Variants in AK4 observed in about 807,000 individuals in gnomAD.
The protein encoded by AK4 is adenylate kinase 4, mitochondrial.
A neutral mutation model predicts 24.6 loss-of-function variants in AK4; 13 were observed. That is an observed-to-expected ratio of 0.53 (90% confidence interval 0.34 to 0.84). The LOEUF is 0.84. Ranked by LOEUF, AK4 falls within the 40% of genes least tolerant of loss-of-function variation. The pLI, the probability that AK4 is intolerant of heterozygous loss-of-function variation, is 0.01. For synonymous variants in AK4, 88 were observed against 107.0 expected, an observed-to-expected ratio of 0.82 and a Z score of 1.10; for missense variants, 192 against 288.2, an observed-to-expected ratio of 0.67 and a Z score of 2.42.
chr1:65,165,372 A>C (rs1473657659), intron 1 of AK4, among the ~76,000 whole-genome samples: 1 of 152,134 alleles, frequency 6.6e-6, no homozygotes, highest in Non-Finnish European at 1.5e-5. Context: ...GTCTATGAGT[A>C]GACAATTAAA....
At chr1:65,211,443 G>A (rs1317812263) in intron 2 of AK4, among the ~76,000 whole-genome samples, 2 of 152,212 alleles carry the variant, frequency 1.3e-5, no homozygotes, top group African/African-American at 4.8e-5. Flanking sequence ...CCCTGTCTGA[G>A]AATTTGCTTC....
At chr1:65,161,191 G>T (rs1650147893) in intron 1 of AK4, among the ~76,000 whole-genome samples, 1 of 152,140 alleles carries the variant, frequency 6.6e-6, no homozygotes, top group Non-Finnish European at 1.5e-5. Context: ...CCATTTGGTT[G>T]TGAGGAGGTA....
rs1043633092 is a variant in AK4, at chr1:65,220,416, G to A, written c.438+1490G>A. ...GTAGTAAGTGTTTTAGATTTCAGCC[G>A]TTCTGCTAGGTGAGCATTATAGTTT... On this transcript the variant is annotated intron_variant, in intron 3 of 4. Coordinates refer to ENST00000327299, the MANE Select transcript of AK4 (RefSeq NM_013410.4). Among the ~76,000 whole-genome samples, 16 of 152,242 alleles carry A rather than the reference G, an allele frequency of 1.1e-4. 3 individuals carry two copies. The highest frequency in any genetic ancestry group is 9.6e-5 in the African/African-American group (4 of 41,544).
rs536846085 is a variant in AK4, at chr1:65,206,669, G to A, written c.266-12085G>A. On this transcript the variant is annotated intron_variant, in intron 2 of 4. Coordinates refer to ENST00000327299, the MANE Select transcript of AK4 (RefSeq NM_013410.4). ...TTGCTTGTAGTCCAGCTACTTGGGTGGGGGGTGGCTGAGGCAAGAGGAACC... is the reference window on the plus strand; with the variant it reads ...TTGCTTGTAGTCCAGCTACTTGGGTAGGGGGTGGCTGAGGCAAGAGGAACC... Among the ~76,000 whole-genome samples the A allele has an allele frequency of 2.4e-4, 36 of 152,314 alleles. 1 individual carries two copies. In the South Asian group the frequency reaches 5.4e-3, roughly 23 times the overall value.
chr1:65,225,651 T>A lies in AK4; in HGVS notation c.558-412T>A, dbSNP rs547100095. Among the ~76,000 whole-genome samples, 935 of 152,308 alleles carry A rather than the reference T, an allele frequency of 6.1e-3. 12 individuals are homozygous for A. The highest frequency in any genetic ancestry group is 0.022 in the African/African-American group (900 of 41,560). On this transcript the variant is annotated intron_variant, in intron 4 of 4. Coordinates refer to ENST00000327299, the MANE Select transcript of AK4 (RefSeq NM_013410.4). ...TGGCCTTGTAGTCCCCCCCAAAATT[T>A]AGCAAACCTTAAGATCAGAGTTTTA...
intron 3 of AK4, among the ~76,000 whole-genome samples, chr1:65,219,721 T>C (rs1553127690): frequency 6.6e-6 from 1 of 152,218 alleles, no homozygotes; most frequent in African/African-American, 2.4e-5. Context: ...TTACAGTTAA[T>C]AAACTAATAT....
intron 1 of AK4, among the ~76,000 whole-genome samples, chr1:65,180,064 A>G (rs954904393): frequency 1.2e-4 from 19 of 152,240 alleles, no homozygotes; most frequent in Admixed American, 3.3e-4. Context: ...ATACGTGACA[A>G]AAGTCTTATA....
At chr1:65,158,422 T>C (rs751756481) in intron 1 of AK4, among the ~76,000 whole-genome samples, 25 of 152,208 alleles carry the variant, frequency 1.6e-4, no homozygotes, top group Non-Finnish European at 3.7e-4. Context: ...GTTGGAAATT[T>C]TGTAAGTTTT....
intron 1 of AK4, among the ~76,000 whole-genome samples, chr1:65,175,721 T>C (rs1287428127): frequency 3.9e-5 from 6 of 152,210 alleles, no homozygotes; most frequent in African/African-American, 1.4e-4. Flanking sequence ...AAGTGCCTGC[T>C]ATGGTGGATA....
intron 1 of AK4, among the ~76,000 whole-genome samples, chr1:65,170,158 C>G (rs113914415): frequency 1.3e-5 from 2 of 152,012 alleles, no homozygotes; most frequent in South Asian, 2.1e-4. Context: ...GGGCGGATCA[C>G]GAGGTCAGGA....
chr1:65,162,775 A>G (rs1410149603), intron 1 of AK4, among the ~76,000 whole-genome samples: 1 of 152,118 alleles, frequency 6.6e-6, no homozygotes, highest in African/African-American at 2.4e-5. Flanking sequence ...ATTTCTCCAG[A>G]AAGAAACCCT....
Position 65,231,944 on chromosome 1 carries a change from C to T in AK4, c.*5767C>T, listed in dbSNP as rs114866273. 2 of 152,164 alleles carry T rather than the reference C, an allele frequency of 1.3e-5. No homozygotes were observed. The highest frequency in any genetic ancestry group is 4.8e-5 in the African/African-American group (2 of 41,424). 9.4% of individuals were successfully genotyped at this position (152,164 alleles called of 1,614,324 possible). On this transcript the variant is annotated 3_prime_UTR_variant, in exon 5 of 5. Coordinates refer to ENST00000327299, the MANE Select transcript of AK4 (RefSeq NM_013410.4). ...CAGAAGTCGTGTGTTTATGATGAGT[C>T]AGAGTGCTTTTCCTCGGTGGGACAG...
intron 2 of AK4, among the ~76,000 whole-genome samples, chr1:65,203,633 A>G (rs1034472123): frequency 6.6e-6 from 1 of 152,028 alleles, no homozygotes; most frequent in African/African-American, 2.4e-5. Flanking sequence ...GTGAAACCCC[A>G]TCTCTACTAA....
At chr1:65,184,817 A>G (rs1651041848) in intron 1 of AK4, among the ~76,000 whole-genome samples, 1 of 152,110 alleles carries the variant, frequency 6.6e-6, no homozygotes, top group Non-Finnish European at 1.5e-5. Flanking sequence ...TATTAAGGTC[A>G]TTTTGCTTTG....
intron 1 of AK4, among the ~76,000 whole-genome samples, chr1:65,187,880 A>G (rs1163077364): frequency 2.0e-5 from 3 of 152,192 alleles, no homozygotes; most frequent in African/African-American, 7.2e-5. Context: ...GCTTGTTCAC[A>G]TTCATGTTCA....
At chr1:65,216,083 G>T (rs1244877490) in intron 2 of AK4, among the ~76,000 whole-genome samples, 1 of 151,810 alleles carries the variant, frequency 6.6e-6, no homozygotes, top group East Asian at 1.9e-4. Flanking sequence ...TCAATATATG[G>T]ATAATTATGT....
At chr1:65,218,031 C>T (rs1652184412) in intron 2 of AK4, among the ~76,000 whole-genome samples, 1 of 152,052 alleles carries the variant, frequency 6.6e-6, no homozygotes, top group Non-Finnish European at 1.5e-5. Context: ...ATGTGTGTGG[C>T]GAGAATCCTG....
Position 65,193,682 on chromosome 1 carries a change from G to A in AK4, c.265+2853G>A, listed in dbSNP as rs369720604. Among the ~76,000 whole-genome samples, 6 of 152,340 alleles carry A rather than the reference G, an allele frequency of 3.9e-5. No homozygotes were observed. In the South Asian group the frequency reaches 1.0e-3, roughly 26 times the overall value. The stretch of plus-strand genomic sequence containing the variant: ...AAATCCATGCTTACTCAAGCCCCAC[G>A]GTCGGCCCTGTGGAACCCATGGGTA... On this transcript the variant is annotated intron_variant, in intron 2 of 4. Transcript: ENST00000327299.
intron 1 of AK4, among the ~76,000 whole-genome samples, chr1:65,186,030 A>C (rs1651087704): frequency 6.6e-6 from 1 of 151,876 alleles, no homozygotes. Flanking sequence ...TTCTATAATA[A>C]CTCTCCAAGA....
Sources: allele counts gnomAD v4.1 joint callset (sites outside exome capture counted in the v4.1 genomes callset), GRCh38; gene constraint gnomAD v4.1.1; transcripts MANE v1.5; gene names NCBI Gene and HGNC (gene_info 2026-07-23, HGNC 2026-07-21).